Variants in NPTN observed in about 807,000 individuals in gnomAD.
NPTN encodes the protein neuroplastin.
Under a neutral mutation model 42.7 loss-of-function variants are expected in NPTN, and 5 were observed. The observed-to-expected ratio is 0.12, with a 90% confidence interval of 0.06 to 0.25. The LOEUF (loss-of-function observed/expected upper bound fraction) is 0.25. Ranked by LOEUF, NPTN falls within the 10% of genes least tolerant of loss-of-function variation. The probability of loss-of-function intolerance (pLI) is 1.00; values close to 1 mark genes in which losing one functional copy is unlikely to be tolerated. For missense variants in NPTN, 307 were observed against 525.4 expected, an observed-to-expected ratio of 0.58 and a Z score of 4.06; for synonymous variants, 180 against 201.9, an observed-to-expected ratio of 0.89 and a Z score of 0.92.
At chr15:73,610,298 G>C (rs1356828019) in intron 1 of NPTN, among the ~76,000 whole-genome samples, 1 of 152,014 alleles carries the variant, frequency 6.6e-6, no homozygotes, top group Non-Finnish European at 1.5e-5. Context: ...TACGTTTTTT[G>C]TACAGTATGC....
chr15:73,625,991 C>T (rs1377437087), intron 1 of NPTN, among the ~76,000 whole-genome samples: 1 of 152,164 alleles, frequency 6.6e-6, no homozygotes, highest in African/African-American at 2.4e-5. Flanking sequence ...AAGGAACTTG[C>T]TAGGATTTAA....
chr15:73,608,569 A>T (rs1367372049), intron 1 of NPTN, among the ~76,000 whole-genome samples: 1 of 152,222 alleles, frequency 6.6e-6, no homozygotes, highest in Non-Finnish European at 1.5e-5. Context: ...TCAGAAAAAT[A>T]TCCTCAAGAC....
chr15:73,627,453 GTTTA>G (rs989978430), intron 1 of NPTN, among the ~76,000 whole-genome samples: 1 of 152,156 alleles, frequency 6.6e-6, no homozygotes, highest in Non-Finnish European at 1.5e-5. Context: ...ATAACACTCA[GTTTA>G]TTTATTTGAA....
intron 1 of NPTN, among the ~76,000 whole-genome samples, chr15:73,626,995 G>A (rs1402708637): frequency 6.6e-6 from 1 of 152,202 alleles, no homozygotes; most frequent in Non-Finnish European, 1.5e-5. Flanking sequence ...AGCACTTTGG[G>A]AGGCCGAGGT....
chr15:73,569,877 G>C lies in NPTN; in HGVS notation c.1114+273C>G. ...CCATTCACCACATGGGGCCTGAAAG[G>C]CAGATGGGACTAGGGTTTGGAAAAC... On this transcript the variant is annotated intron_variant, in intron 6 of 8. Coordinates refer to ENST00000345330, the MANE Select transcript of NPTN (RefSeq NM_012428.4). The surrounding 1 kb of genome is among the most constrained non-coding windows in gnomAD (Gnocchi z 4.1). 3 of 927,778 alleles carry C rather than the reference G, an allele frequency of 3.2e-6. No homozygotes were observed. Among genetic ancestry groups the C allele is most frequent in the Non-Finnish European group, 3.9e-6 (3 of 777,534 alleles). 57.5% of individuals were successfully genotyped at this position (927,778 alleles called of 1,614,324 possible).
In NPTN at chr15:73,570,287, G is replaced by A. The variant is rs1211276586; in HGVS notation, c.977C>T (p.Ser326Phe). 6.2e-7 allele frequency: 1 copy of A among 1,614,150 alleles called. No homozygotes were observed. Among genetic ancestry groups the A allele is most frequent in the African/African-American group, 1.3e-5 (1 of 74,956 alleles). Residue 326 changes from serine to phenylalanine, a missense_variant, in exon 6 of 9, where the codon TCT (serine) becomes TTT (phenylalanine). Coordinates refer to ENST00000345330, the MANE Select transcript of NPTN (RefSeq NM_012428.4). The surrounding 1 kb of genome is among the most constrained non-coding windows in gnomAD (Gnocchi z 4.0). ...CCGCACCCTGAGGACAGTGACAACA[G>A]AGGCGGAGCCAATGGCGTTGGTGGC... ...CNATNAIGSA[S>F]VVTVLRVRSH...
chr15:73,580,441 AAT>A (rs201553060), intron 4 of NPTN, among the ~76,000 whole-genome samples: 7 of 113,956 alleles, frequency 6.1e-5, no homozygotes, highest in Admixed American at 8.9e-5. Context: ...TAATATATAT[AAT>A]ATATATGTAT....
intron 3 of NPTN, among the ~76,000 whole-genome samples, chr15:73,588,623 C>T (rs1161932319): frequency 6.6e-6 from 1 of 152,206 alleles, no homozygotes; most frequent in East Asian, 1.9e-4. Context: ...TCAAAACCTC[C>T]ACACAAGATG....
At chr15:73,598,053 T>G (rs1320006909) in intron 1 of NPTN, among the ~76,000 whole-genome samples, 1 of 152,188 alleles carries the variant, frequency 6.6e-6, no homozygotes, top group East Asian at 1.9e-4. Context: ...TTAGGCAGCC[T>G]CTTCCTGAAT....
intron 2 of NPTN, among the ~76,000 whole-genome samples, chr15:73,593,140 T>C (rs763987091): frequency 5.3e-5 from 8 of 152,162 alleles, no homozygotes; most frequent in Non-Finnish European, 1.0e-4. Flanking sequence ...TCTACAAAAA[T>C]AACCTACTTG....
intron 1 of NPTN, among the ~76,000 whole-genome samples, chr15:73,630,418 T>C (rs1268787279): frequency 6.6e-6 from 1 of 152,260 alleles, no homozygotes; most frequent in Non-Finnish European, 1.5e-5. Flanking sequence ...TAAACTACCA[T>C]TTTGATGATA....
intron 1 of NPTN, among the ~76,000 whole-genome samples, chr15:73,602,468 A>T (rs1259947674): frequency 6.6e-6 from 1 of 152,240 alleles, no homozygotes; most frequent in Non-Finnish European, 1.5e-5. Context: ...AGCAAGACCC[A>T]CTGACATCTA....
At chr15:73,587,472 T>G in intron 4 of NPTN, 52 bp downstream of exon 4, 3 of 1,297,730 alleles carry the variant, frequency 2.3e-6, no homozygotes, top group Non-Finnish European at 2.2e-6. Flanking sequence ...ACCAAGGTAC[T>G]GTCTTGGAAG....
chr15:73,611,869 T>G (rs1168054514), intron 1 of NPTN, among the ~76,000 whole-genome samples: 1 of 152,174 alleles, frequency 6.6e-6, no homozygotes, highest in East Asian at 1.9e-4. Flanking sequence ...ATGGGAACTC[T>G]CTGTACTTCC....
intron 4 of NPTN, 95 bp downstream of exon 4, chr15:73,587,429 G>C (rs1896372523): frequency 1.2e-6 from 1 of 860,008 alleles, no homozygotes. Flanking sequence ...TCTCGACATG[G>C]AAAGAAGAGG....
At chr15:73,621,919 A>G (rs1049244272) in intron 1 of NPTN, among the ~76,000 whole-genome samples, 13 of 152,156 alleles carry the variant, frequency 8.5e-5, no homozygotes, top group Admixed American at 7.2e-4. Context: ...AGCCCATAAC[A>G]AAAGGACAAA....
At chr15:73,561,477 C>G (rs1420393937) in intron 8 of NPTN, among the ~76,000 whole-genome samples, 1 of 152,102 alleles carries the variant, frequency 6.6e-6, no homozygotes, top group East Asian at 1.9e-4. Context: ...GTCAGGAGTT[C>G]AAGACCACCC....
chr15:73,587,558 G>T lies in NPTN; in HGVS notation c.672C>A (p.Ser224Arg). The change falls in exon 4 of 9, where the codon AGC (serine) becomes AGA (arginine). Residue 224 changes from serine to arginine, a missense_variant. This residue lies in a region of NPTN where 264 missense variants were observed against 491.1 expected (regional missense o/e 0.54). Coordinates refer to ENST00000345330, the MANE Select transcript of NPTN (RefSeq NM_012428.4). Reference protein sequence around the residue: ...GEYHCVYHFVSAPKANATIEV... With the variant: ...GEYHCVYHFVRAPKANATIEV... The stretch of plus-strand genomic sequence containing the variant: ...CAATGGTGGCGTTTGCTTTAGGAGC[G>T]CTGACAAAGTGATATACGCAGTGGT... 5.6e-6 allele frequency: 9 copies of T among 1,613,992 alleles called. No homozygotes were observed. Among genetic ancestry groups the T allele is most frequent in the Non-Finnish European group, 7.6e-6 (9 of 1,179,870 alleles).
At chr15:73,629,488 G>A (rs920405186) in intron 1 of NPTN, among the ~76,000 whole-genome samples, 2 of 150,776 alleles carry the variant, frequency 1.3e-5, no homozygotes, top group Non-Finnish European at 3.0e-5. Context: ...GCCCTTGACA[G>A]AAAAGAAAAA....
Sources: allele counts gnomAD v4.1 joint callset (sites outside exome capture counted in the v4.1 genomes callset), GRCh38; gene constraint gnomAD v4.1.1; regional missense constraint gnomAD v4.1.1; non-coding constraint Gnocchi (gnomAD v3.1); transcripts MANE v1.5; gene names NCBI Gene and HGNC (gene_info 2026-07-23, HGNC 2026-07-21).